Variants in SGCZ observed in about 807,000 individuals in gnomAD.
The protein encoded by SGCZ is zeta-sarcoglycan.
Under a neutral mutation model 41.3 loss-of-function variants are expected in SGCZ, and 40 were observed. The ratio of observed to expected loss-of-function variants is 0.97; its 90% CI spans 0.75 to 1.26. The LOEUF is 1.26. Among genes scored for constraint, SGCZ ranks in the 50% most tolerant of loss-of-function variants. SGCZ has a pLI of 0.00. For synonymous variants in SGCZ, 206 were observed against 137.5 expected, an observed-to-expected ratio of 1.50 and a Z score of -3.49; for missense variants, 552 against 369.8, an observed-to-expected ratio of 1.49 and a Z score of -4.04.
chr8:14,342,777 C>A (rs10087562), intron 2 of SGCZ, among the ~76,000 whole-genome samples: 1 of 152,162 alleles, frequency 6.6e-6, no homozygotes, highest in South Asian at 2.1e-4. Context: ...AAATTCAAGC[C>A]GGCTGCAGAA....
chr8:14,310,889 G>T (rs973977296), intron 3 of SGCZ, among the ~76,000 whole-genome samples: 3 of 152,074 alleles, frequency 2.0e-5, no homozygotes, highest in Non-Finnish European at 4.4e-5. Context: ...CCAAATTTCA[G>T]ACAGGGTGCC....
chr8:14,411,361 T>C (rs541826105), intron 2 of SGCZ, among the ~76,000 whole-genome samples: 1 of 152,142 alleles, frequency 6.6e-6, no homozygotes, highest in Non-Finnish European at 1.5e-5. Context: ...ATATAAAACA[T>C]ATTAGTGTTC....
At chr8:14,413,310 C>T (rs1311237844) in intron 2 of SGCZ, among the ~76,000 whole-genome samples, 1 of 151,918 alleles carries the variant, frequency 6.6e-6, no homozygotes, top group Admixed American at 6.6e-5. Flanking sequence ...GTTGTGTCAG[C>T]AATATTAGCT....
chr8:15,118,750 C>T (rs1162377645), intron 1 of SGCZ, among the ~76,000 whole-genome samples: 1 of 152,064 alleles, frequency 6.6e-6, no homozygotes, highest in Admixed American at 6.5e-5. Context: ...ATAGAAAAGG[C>T]ACCCTAGGAA....
chr8:14,965,916 T>A (rs1050827598), intron 1 of SGCZ, among the ~76,000 whole-genome samples: 4 of 152,058 alleles, frequency 2.6e-5, no homozygotes, highest in African/African-American at 9.7e-5. Context: ...CTCTAACTCA[T>A]GATCGAAGAA....
At chr8:14,244,171 C>G (rs1315843647) in intron 3 of SGCZ, among the ~76,000 whole-genome samples, 1 of 150,300 alleles carries the variant, frequency 6.7e-6, no homozygotes, top group Non-Finnish European at 1.5e-5. Context: ...CTTCTTCCTC[C>G]TCCTCTTCCT....
chr8:14,086,609 A>G lies in SGCZ; in HGVS notation c.*3834T>C, dbSNP rs1203169425. Among the ~76,000 whole-genome samples the G allele has an allele frequency of 6.6e-6, 1 of 151,700 alleles. No homozygotes were observed. The highest frequency in any genetic ancestry group is 1.5e-5 in the Non-Finnish European group (1 of 67,738). On this transcript the variant is annotated 3_prime_UTR_variant, in exon 8 of 8. Coordinates refer to ENST00000382080, the MANE Select transcript of SGCZ (RefSeq NM_139167.4). ...GGTTAATATTTCTATTAATTTCCTA[A>G]ACAGTCATTTTGAATAAGATCCAAA...
At chr8:14,493,375 T>C (rs1801901561) in intron 2 of SGCZ, among the ~76,000 whole-genome samples, 1 of 124,066 alleles carries the variant, frequency 8.1e-6, no homozygotes. Flanking sequence ...TTTTTTTTTT[T>C]TTTTTTTTTT....
rs185219748 is a variant in SGCZ at position 15,157,573 on chromosome 8, A to T, written c.39+80012T>A. Among the ~76,000 whole-genome samples the T allele has an allele frequency of 1.1e-4, 16 of 152,310 alleles. 1 individual carries two copies. Among genetic ancestry groups the T allele is most frequent in the Non-Finnish European group, 1.9e-4 (13 of 68,030 alleles). On this transcript the variant is annotated intron_variant, in intron 1 of 7. Transcript: ENST00000382080. ...TATGCCTTCATCACTTGTAATACTC[A>T]GGACCAGGAGGCTACCACACCAGAC...
Position 14,974,959 on chromosome 8 carries a change from A to C in SGCZ, c.39+262626T>G, listed in dbSNP as rs533066667. Among the ~76,000 whole-genome samples, 3 of 152,244 alleles carry C rather than the reference A, an allele frequency of 2.0e-5. No homozygotes were observed. The East Asian group carries it at 5.8e-4, about 29-fold the overall frequency. ...GAAATTCCCAGTAATCTGTTGGGAA[A>C]AGGGACTTAAGGTTATCTCTCTGCT... On this transcript the variant is annotated intron_variant, in intron 1 of 7. Coordinates refer to ENST00000382080, the MANE Select transcript of SGCZ (RefSeq NM_139167.4).
At chr8:14,377,887 C>CA (rs981776420) in intron 2 of SGCZ, among the ~76,000 whole-genome samples, 2 of 151,402 alleles carry the variant, frequency 1.3e-5, no homozygotes, top group Non-Finnish European at 2.9e-5. Flanking sequence ...GCATAGTATT[C>CA]CATGGTGTAT....
intron 1 of SGCZ, among the ~76,000 whole-genome samples, chr8:14,864,005 G>C (rs1219013868): frequency 6.6e-6 from 1 of 152,106 alleles, no homozygotes; most frequent in East Asian, 1.9e-4. Flanking sequence ...CCTCTGACAA[G>C]TTTAAAACAG....
intron 4 of SGCZ, among the ~76,000 whole-genome samples, chr8:14,221,520 G>A (rs1280076575): frequency 1.3e-5 from 2 of 152,162 alleles, no homozygotes; most frequent in Admixed American, 6.5e-5. Context: ...ACTAGCAGCA[G>A]TAACTTACAT....
At chr8:14,292,466 A>T (rs1800872954) in intron 3 of SGCZ, among the ~76,000 whole-genome samples, 1 of 152,006 alleles carries the variant, frequency 6.6e-6, no homozygotes. Context: ...CTCAAGAGCC[A>T]ACAGTAAACT....
chr8:14,117,725 C>T (rs1368345875), intron 5 of SGCZ, among the ~76,000 whole-genome samples: 4 of 151,346 alleles, frequency 2.6e-5, no homozygotes, highest in Non-Finnish European at 5.9e-5. Flanking sequence ...CTAATGTTAT[C>T]CCTCCCTTAG....
chr8:14,231,196 T>TGTGTGTGTGTGTGTGTGTG (rs1554483289), intron 4 of SGCZ, among the ~76,000 whole-genome samples: 16 of 101,322 alleles, frequency 1.6e-4, no homozygotes, highest in South Asian at 6.4e-4. Context: ...TGTGTGTGTG[T>TGTGTGTGTGTGTGTGTGTG]AGTGGGGAGA....
chr8:14,158,662 G>A (rs566195914), intron 5 of SGCZ, among the ~76,000 whole-genome samples: 8 of 152,292 alleles, frequency 5.3e-5, no homozygotes, highest in South Asian at 4.1e-4. Context: ...TGAGAAGTCC[G>A]CATGAGCAGC....
At chr8:14,312,308 C>T (rs1801573387) in intron 3 of SGCZ, among the ~76,000 whole-genome samples, 1 of 151,958 alleles carries the variant, frequency 6.6e-6, no homozygotes, top group Non-Finnish European at 1.5e-5. Context: ...GTGGTCTGCT[C>T]CTAGAGTTTT....
chr8:14,594,208 A>G (rs913539159), intron 1 of SGCZ, among the ~76,000 whole-genome samples: 1 of 150,072 alleles, frequency 6.7e-6, no homozygotes, highest in African/African-American at 2.4e-5. Flanking sequence ...AAATAAATAA[A>G]TAAATAAATA....
Sources: gnomAD v4.1 joint callset for allele counts (sites outside exome capture counted in the v4.1 genomes callset) on GRCh38, gnomAD v4.1.1 for gene constraint, MANE v1.5 for transcripts, NCBI Gene and HGNC (gene_info 2026-07-23, HGNC 2026-07-21) for gene names.